Variants in CDH9 observed in about 807,000 individuals in gnomAD.
CDH9 encodes cadherin-9.
A neutral mutation model predicts 70.9 loss-of-function variants in CDH9; 28 were observed. The ratio of observed to expected loss-of-function variants is 0.40; its 90% CI spans 0.29 to 0.54. The LOEUF (loss-of-function observed/expected upper bound fraction) is 0.54. Ranked by LOEUF, CDH9 falls within the 20% of genes least tolerant of loss-of-function variation. The probability of loss-of-function intolerance (pLI) is 0.59; values close to 1 mark genes in which losing one functional copy is unlikely to be tolerated. For missense variants in CDH9, 874 were observed against 984.4 expected, an observed-to-expected ratio of 0.89 and a Z score of 1.50; for synonymous variants, 409 against 343.1, an observed-to-expected ratio of 1.19 and a Z score of -2.12.
At position 26,881,586 on chromosome 5, in the gene CDH9, T is replaced by G. The variant is rs1740465755; in HGVS notation, c.1920A>C (p.Arg640Ser). The change falls in exon 12 of 12, where the codon AGA becomes AGC. Residue 640 changes from arginine to serine, a missense_variant. Transcript: ENST00000231021. ...VVLFAALKRQRKKEPLIISKD... is the reference protein window; with the variant it reads ...VVLFAALKRQSKKEPLIISKD... ...TTGAAATTATCAGAGGTTCCTTTTT[T>G]CTTTGCCTCTTCAATGCAGCAAACA... 1 of 1,611,926 alleles carries G rather than the reference T, an allele frequency of 6.2e-7. No individual in the cohort carries two copies. The highest frequency in any genetic ancestry group is 1.7e-5 in the Admixed American group (1 of 59,636).
chr5:26,886,143 A>C, intron 9 of CDH9, 60 bp from the exon 10 acceptor site: 2 of 1,514,800 alleles, frequency 1.3e-6, no homozygotes, highest in Non-Finnish European at 1.8e-6. Context: ...TGTTATTACA[A>C]GATATCTTAA....
intron 4 of CDH9, 86 bp from the exon 5 acceptor site, chr5:26,906,212 A>G (rs1027158189): frequency 3.1e-5 from 33 of 1,063,684 alleles, no homozygotes; most frequent in Non-Finnish European, 4.5e-5. Context: ...ACAAAAGTTG[A>G]TTATAACAAA....
Position 26,881,038 on chromosome 5 carries a change from AT to A in CDH9, c.*97del. 5 of 1,198,434 alleles carry A rather than the reference AT, an allele frequency of 4.2e-6. No homozygotes were observed. The highest frequency in any genetic ancestry group is 4.7e-6 in the Non-Finnish European group (4 of 856,110). The allele number at this position is 1,198,434 out of a possible 1,614,324, so 74.2% of individuals were successfully genotyped here. On this transcript the variant is annotated 3_prime_UTR_variant, in exon 12 of 12. Coordinates refer to ENST00000231021, the MANE Select transcript of CDH9 (RefSeq NM_016279.4). Reference sequence around the variant, plus strand: ...CATCTACGTATTGTTTGTAACTTCAATTTTTGAAAGATTTCCTCCCAGGAAG... The same window carrying A: ...CATCTACGTATTGTTTGTAACTTCAATTTTGAAAGATTTCCTCCCAGGAAG...
rs866542101 is a variant in CDH9 at position 26,922,039 on chromosome 5, A to G, written c.229-6115T>C. On this transcript the variant is annotated intron_variant, in intron 2 of 11. Transcript: ENST00000231021. Reference sequence around the variant, plus strand: ...CACAAAATAGTCCAAAAAAAAAAAAAAGAGAGAGAGAGAAAGAGAGAATAA... The same window carrying G: ...CACAAAATAGTCCAAAAAAAAAAAAGAGAGAGAGAGAGAAAGAGAGAATAA... Among the ~76,000 whole-genome samples, 105 of 136,920 alleles carry G rather than the reference A, an allele frequency of 7.7e-4. 1 individual carries two copies. Among genetic ancestry groups the G allele is most frequent in the Middle Eastern group, 4.1e-3 (1 of 242 alleles). The allele number at this position is 136,920 out of a possible 152,430, so 89.8% of individuals were successfully genotyped here. A position where few individuals can be genotyped will look rare whatever the true frequency, so the allele number is the denominator to read the frequency against.
intron 1 of CDH9, among the ~76,000 whole-genome samples, chr5:27,012,691 T>C (rs1218493187): frequency 1.3e-5 from 2 of 152,062 alleles, no homozygotes; most frequent in Admixed American, 1.3e-4. Context: ...ATTAAGAAAG[T>C]ATCCCTTGGT....
At chr5:26,892,528 G>A (rs1740678043) in intron 7 of CDH9, among the ~76,000 whole-genome samples, 1 of 152,136 alleles carries the variant, frequency 6.6e-6, no homozygotes, top group Non-Finnish European at 1.5e-5. Flanking sequence ...ATCAGCCTCT[G>A]CTGTAGTCCT....
At chr5:26,972,145 G>T (rs552929168) in intron 2 of CDH9, among the ~76,000 whole-genome samples, 15 of 152,258 alleles carry the variant, frequency 9.9e-5, no homozygotes, top group African/African-American at 3.1e-4. Context: ...TAGGGAAAAC[G>T]TACTGTAGTA....
chr5:26,937,838 A>T (rs1171612004), intron 2 of CDH9, among the ~76,000 whole-genome samples: 1 of 152,064 alleles, frequency 6.6e-6, no homozygotes, highest in Non-Finnish European at 1.5e-5. Flanking sequence ...AGAGAGGAAT[A>T]GATGGGGTAC....
intron 2 of CDH9, among the ~76,000 whole-genome samples, chr5:26,933,476 C>T (rs1579459871): frequency 6.7e-6 from 1 of 150,124 alleles, no homozygotes; most frequent in African/African-American, 2.5e-5. Context: ...TCTAGCCAGG[C>T]TAACTAAAAA....
At chr5:26,914,989 T>C (rs1413697945) in intron 3 of CDH9, among the ~76,000 whole-genome samples, 2 of 151,992 alleles carry the variant, frequency 1.3e-5, no homozygotes, top group East Asian at 3.9e-4. Context: ...TCTAAAATGG[T>C]GGGCAGCCTT....
At chr5:26,938,724 A>G (rs1383600817) in intron 2 of CDH9, among the ~76,000 whole-genome samples, 1 of 152,094 alleles carries the variant, frequency 6.6e-6, no homozygotes, top group Non-Finnish European at 1.5e-5. Context: ...AGGGGAACTG[A>G]TCAACAAATT....
At position 26,890,646 on chromosome 5, in the gene CDH9, C is replaced by T. The variant is rs189637992; in HGVS notation, c.1254-82G>A. 213 of 934,844 alleles carry T rather than the reference C, an allele frequency of 2.3e-4. 1 individual carries two copies. The highest frequency in any genetic ancestry group is 9.8e-4 in the Admixed American group (49 of 49,932). 57.9% of individuals were successfully genotyped at this position (934,844 alleles called of 1,614,324 possible). A position where few individuals can be genotyped will look rare whatever the true frequency, so the allele number is the denominator to read the frequency against. ...CTTTCTTAAAGCTATAGGTAATTTC[C>T]ACAATGATCTGACAAAGACATGAAA... On this transcript the variant is annotated intron_variant, in intron 7 of 11. Transcript: ENST00000231021.
chr5:27,013,893 A>G (rs533958240), intron 1 of CDH9, among the ~76,000 whole-genome samples: 4 of 152,146 alleles, frequency 2.6e-5, no homozygotes, highest in Admixed American at 2.0e-4. Context: ...TCAATTAAAT[A>G]TATTTCCTGA....
intron 1 of CDH9, among the ~76,000 whole-genome samples, chr5:27,024,090 C>T (rs1273667906): frequency 6.6e-6 from 1 of 151,528 alleles, no homozygotes; most frequent in Non-Finnish European, 1.5e-5. Flanking sequence ...TAAAAATAAA[C>T]ATAGAATTTA....
chr5:26,961,967 C>G (rs1742044438), intron 2 of CDH9, among the ~76,000 whole-genome samples: 1 of 152,110 alleles, frequency 6.6e-6, no homozygotes, highest in Non-Finnish European at 1.5e-5. Flanking sequence ...CTAATGCTAT[C>G]CCTTCCCTCG....
chr5:26,884,852 A>T (rs2111966280), intron 11 of CDH9, among the ~76,000 whole-genome samples: 1 of 152,332 alleles, frequency 6.6e-6, no homozygotes, highest in Non-Finnish European at 1.5e-5. Flanking sequence ...GTTTAATTGA[A>T]TTAAATCGTT....
intron 1 of CDH9, among the ~76,000 whole-genome samples, chr5:27,001,413 T>A (rs564398542): frequency 4.3e-4 from 66 of 152,244 alleles, no homozygotes; most frequent in African/African-American, 1.6e-3. Flanking sequence ...AACAATTAAG[T>A]AAGTAGTTGG....
intron 5 of CDH9, among the ~76,000 whole-genome samples, chr5:26,905,328 T>C (rs1295383273): frequency 6.6e-6 from 1 of 152,054 alleles, no homozygotes; most frequent in Admixed American, 6.6e-5. Flanking sequence ...TGATGTAATC[T>C]TCATAACTTA....
intron 3 of CDH9, among the ~76,000 whole-genome samples, chr5:26,912,016 T>A: frequency 6.6e-6 from 1 of 151,928 alleles, no homozygotes; most frequent in East Asian, 1.9e-4. Context: ...GGCAGATAAA[T>A]AGAGATCAAC....
Sources: gnomAD v4.1 joint callset for allele counts (sites outside exome capture counted in the v4.1 genomes callset) on GRCh38, gnomAD v4.1.1 for gene constraint, MANE v1.5 for transcripts, NCBI Gene and HGNC (gene_info 2026-07-23, HGNC 2026-07-21) for gene names.